Variants in LTBR observed in about 807,000 individuals in gnomAD.
LTBR encodes lymphotoxin beta receptor, also known as tumor necrosis factor receptor superfamily member 3.
LTBR carries 15 observed loss-of-function variants against 45.4 expected under a neutral mutation model. The ratio of observed to expected loss-of-function variants is 0.33; its 90% CI spans 0.22 to 0.51. The LOEUF is 0.51. Among genes scored for constraint, LTBR ranks in the 20% least tolerant of loss-of-function variants. The probability of loss-of-function intolerance (pLI) is 0.97; values close to 1 mark genes in which losing one functional copy is unlikely to be tolerated. For synonymous variants in LTBR, 228 were observed against 231.0 expected, an observed-to-expected ratio of 0.99 and a Z score of 0.12; for missense variants, 450 against 565.5, an observed-to-expected ratio of 0.80 and a Z score of 2.07.
At chr12:6,390,445 CAG>C (rs1393617586) in intron 9 of LTBR, 105 bp downstream of exon 9, 12 of 1,071,056 alleles carry the variant, frequency 1.1e-5, no homozygotes, top group South Asian at 3.0e-5. Flanking sequence ...CAGAGGCAGA[CAG>C]AGACTCCGCT....
intron 9 of LTBR, 125 bp from the exon 10 acceptor site, chr12:6,390,535 T>G: frequency 9.0e-7 from 1 of 1,106,590 alleles, no homozygotes; most frequent in Non-Finnish European, 1.3e-6. Context: ...AGAAGCTCAA[T>G]AAACCAGCAG....
At position 6,385,163 on chromosome 12, in the gene LTBR, C is replaced by T. The variant is rs200849692; in HGVS notation, c.319+16C>T. The T allele has an allele frequency of 2.9e-5, 47 of 1,614,202 alleles. No individual in the cohort carries two copies. The South Asian group carries it at 4.6e-4, about 16-fold the overall frequency. On this transcript the variant is annotated intron_variant, in intron 3 of 9. Transcript: ENST00000228918. ...TGTGACCCAGGTGAGTGGGGATGTGCCTGCGGGGGGGCTGGATCCCCTGGA... is the reference window on the plus strand; with the variant it reads ...TGTGACCCAGGTGAGTGGGGATGTGTCTGCGGGGGGGCTGGATCCCCTGGA...
upstream of LTBR, among the ~76,000 whole-genome samples, chr12:6,379,227 G>A (rs912975975): frequency 1.0e-3 from 157 of 152,162 alleles, 1 homozygote; most frequent in African/African-American, 3.7e-3. Flanking sequence ...GTGTCTAGCG[G>A]TCACTGTTTG....
At chr12:6,390,078 C>G in intron 8 of LTBR, 34 bp from the exon 9 acceptor site, 1 of 1,435,064 alleles carries the variant, frequency 7.0e-7, no homozygotes. Flanking sequence ...CTGGGGCCCT[C>G]ATCATTGTTT....
chr12:6,378,507 G>A (rs1592093875), intron 1 of LTBR, among the ~76,000 whole-genome samples: 1 of 152,128 alleles, frequency 6.6e-6, no homozygotes, highest in East Asian at 1.9e-4. Flanking sequence ...ACCTCTATGG[G>A]CCCCGGTGAT....
upstream of LTBR, among the ~76,000 whole-genome samples, chr12:6,380,060 G>A (rs1316796179): frequency 6.6e-6 from 1 of 152,118 alleles, no homozygotes; most frequent in East Asian, 1.9e-4. Flanking sequence ...ATTCTTTGTG[G>A]TGGGACAGGA....
rs1949071869 is a variant in LTBR, at chr12:6,388,307, G to C, written c.668-91G>C. ...AAGCTGCTCCCTTTTCTCTGTCTGG[G>C]TTGCCCAGGGATCTGGAAAGCTCTT... On this transcript the variant is annotated intron_variant, in intron 6 of 9. Transcript: ENST00000228918. This position sits in a 1 kb window ranked among gnomAD's most constrained non-coding sequence, Gnocchi z 4.3. The C allele has an allele frequency of 1.1e-6, 1 of 922,328 alleles. No homozygotes were observed. The highest frequency in any genetic ancestry group is 1.8e-6 in the Non-Finnish European group (1 of 567,116). 57.1% of individuals were successfully genotyped at this position (922,328 alleles called of 1,614,324 possible).
chr12:6,376,820 G>C (rs912836002), intron 1 of LTBR, among the ~76,000 whole-genome samples: 1 of 152,194 alleles, frequency 6.6e-6, no homozygotes, highest in Non-Finnish European at 1.5e-5. Flanking sequence ...TGTGGTCACT[G>C]GCTTGTCCTG....
upstream of LTBR, among the ~76,000 whole-genome samples, chr12:6,381,301 G>A (rs536990905): frequency 1.3e-4 from 20 of 152,288 alleles, no homozygotes; most frequent in South Asian, 6.2e-4. Context: ...GTAGGAGATG[G>A]GATTATGGAA....
rs776579544 is a variant in LTBR at position 6,386,477 on chromosome 12, G to A, written c.667+33G>A. The stretch of plus-strand genomic sequence containing the variant: ...ACCAGGGCTGAGGGACACGGGGGGG[G>A]CGCCTCTGAAAATGCCTTAATGCTC... On this transcript the variant is annotated intron_variant, in intron 6 of 9. Transcript: ENST00000228918. This position sits in a 1 kb window ranked among gnomAD's most constrained non-coding sequence, Gnocchi z 4.1. 6.4e-6 allele frequency: 10 copies of A among 1,563,062 alleles called. No individual in the cohort carries two copies. The Admixed American group carries it at 1.0e-4, about 16-fold the overall frequency.
At chr12:6,387,716 CCAGAGAAAGAGAAATTACCCACTGCTA>C in intron 6 of LTBR, 1 of 319,934 alleles carries the variant, frequency 3.1e-6, no homozygotes, top group Non-Finnish European at 6.4e-6. Context: ...GCACTGGTAC[CCAGAGAAAGAGAAATTACCCACTGCTA>C]CAGATCACAG....
chr12:6,384,538 A>G, intron 1 of LTBR, 50 bp from the exon 2 acceptor site: 2 of 1,610,114 alleles, frequency 1.2e-6, no homozygotes, highest in Non-Finnish European at 1.7e-6. Flanking sequence ...TGCCCTCCCA[A>G]GCTGACCCCT....
intron 9 of LTBR, 151 bp from the exon 10 acceptor site, chr12:6,390,509 G>A (rs1949100915): frequency 2.0e-6 from 2 of 1,008,330 alleles, no homozygotes; most frequent in South Asian, 1.6e-5. Flanking sequence ...AAACCCAGAA[G>A]CAGAGAAATG....
At position 6,386,527 on chromosome 12, in the gene LTBR, A is replaced by T; in HGVS notation, c.667+83A>T. 9.3e-7 allele frequency: 1 copy of T among 1,075,718 alleles called. No homozygotes were observed. The highest frequency in any genetic ancestry group is 1.4e-5 in the South Asian group (1 of 72,832). 66.6% of individuals were successfully genotyped at this position (1,075,718 alleles called of 1,614,324 possible). A position where few individuals can be genotyped will look rare whatever the true frequency, so the allele number is the denominator to read the frequency against. ...CCACATCTTAAAAAAAATGGGGAAA[A>T]GATGAACACTTCCCTCCCAGAATTG... On this transcript the variant is annotated intron_variant, in intron 6 of 9. Coordinates refer to ENST00000228918, the MANE Select transcript of LTBR (RefSeq NM_002342.3). The surrounding 1 kb of genome is among the most constrained non-coding windows in gnomAD (Gnocchi z 4.1).
intron 1 of LTBR, chr12:6,375,781 A>G (rs1387881715): frequency 7.1e-7 from 1 of 1,399,472 alleles, no homozygotes; most frequent in Non-Finnish European, 9.2e-7. Flanking sequence ...CAAAGATCTG[A>G]ACAAGTAGAA....
Position 6,390,350 on chromosome 12 carries a change from G to T in LTBR, c.1030+10G>T. On this transcript the variant is annotated intron_variant, in intron 9 of 9. Transcript: ENST00000228918. Reference sequence around the variant, plus strand: ...AGCCAGGTGGCCCACGGTGAGCCTGGGGCAGGGAGAAGAGAGGAAGGATGG... The same window carrying T: ...AGCCAGGTGGCCCACGGTGAGCCTGTGGCAGGGAGAAGAGAGGAAGGATGG... The T allele has an allele frequency of 1.3e-6, 2 of 1,580,538 alleles. No individual in the cohort carries two copies.
intron 8 of LTBR, chr12:6,389,072 A>G (rs1024590412): frequency 4.3e-6 from 2 of 466,616 alleles, no homozygotes; most frequent in Non-Finnish European, 7.8e-6. Flanking sequence ...ACTATATATC[A>G]GGTGGTATAA....
rs551454577 is a variant in LTBR, at chr12:6,386,808, T to C, written c.667+364T>C. On this transcript the variant is annotated intron_variant, in intron 6 of 9. Coordinates refer to ENST00000228918, the MANE Select transcript of LTBR (RefSeq NM_002342.3). The surrounding 1 kb of genome is among the most constrained non-coding windows in gnomAD (Gnocchi z 4.1). ...CACCTCTTTATTAGACTATATACTT[T>C]TATTATTAGACAGAAGATTCCCATT... is the stretch of plus-strand genomic sequence containing the variant. The C allele has an allele frequency of 1.3e-4, 23 of 183,898 alleles. 1 individual carries two copies. In the South Asian group the frequency reaches 3.0e-3, roughly 24 times the overall value. The allele number at this position is 183,898 out of a possible 1,614,324, so 11.4% of individuals were successfully genotyped here. A position where few individuals can be genotyped will look rare whatever the true frequency, so the allele number is the denominator to read the frequency against.
Position 6,377,490 on chromosome 12 carries a change from T to C in LTBR, c.39+1896T>C, listed in dbSNP as rs879605. ...TGGGGGATCGGGGCTCAGGTGCACC[T>C]GGATGTGAAAGCCGGGAAGGCCTCC... On this transcript the variant is annotated intron_variant, in intron 1 of 9. Transcript: ENST00000539925. 0.2 allele frequency: 129,970 copies of C among 661,246 alleles called. 14,212 individuals are homozygous for C. Among genetic ancestry groups the C allele is most frequent in the South Asian group, 0.22 (12,375 of 55,170 alleles). 41.0% of individuals were successfully genotyped at this position (661,246 alleles called of 1,614,324 possible).
Sources: allele counts gnomAD v4.1 joint callset (sites outside exome capture counted in the v4.1 genomes callset), GRCh38; gene constraint gnomAD v4.1.1; non-coding constraint Gnocchi (gnomAD v3.1); transcripts MANE v1.5; gene names NCBI Gene and HGNC (gene_info 2026-07-23, HGNC 2026-07-21).